The following DACH2 variants were observed in gnomAD, a reference collection of about 807,000 sequenced individuals.
DACH2 encodes dachshund family transcription factor 2, also known as dachshund homolog 2.
Under a neutral mutation model 35.8 loss-of-function variants are expected in DACH2, and 17 were observed. That is an observed-to-expected ratio of 0.48 (90% CI 0.33 to 0.71). DACH2 has a LOEUF of 0.71. Among genes scored for constraint, DACH2 ranks in the 30% least tolerant of loss-of-function variants. DACH2 has a pLI of 0.02. For missense variants in DACH2, 469 were observed against 472.7 expected (o/e 0.99, Z 0.07); for synonymous variants, 195 against 177.3 (o/e 1.10, Z -0.79).
chrX:86,683,636 G>T (rs1370217720), intron 4 of DACH2, among the ~76,000 whole-genome samples: 1 of 111,354 alleles, frequency 9.0e-6, no homozygotes, highest in East Asian at 2.8e-4. Context: ...ATCATCTTTT[G>T]TTAGTAGTAT....
intron 1 of DACH2, among the ~76,000 whole-genome samples, chrX:86,262,455 G>A (rs1469290759): frequency 8.9e-6 from 1 of 111,794 alleles, no homozygotes. Context: ...TTCTTATCTT[G>A]GTTTGTAGAT....
chrX:86,245,813 T>G (rs1344567226), intron 1 of DACH2, among the ~76,000 whole-genome samples: 1 of 111,965 alleles, frequency 8.9e-6, no homozygotes, highest in Non-Finnish European at 1.9e-5. Flanking sequence ...CCAGCCATGA[T>G]TTTTAACCAG....
intron 1 of DACH2, among the ~76,000 whole-genome samples, chrX:86,170,602 G>C (rs1305383981): frequency 1.8e-5 from 2 of 112,124 alleles, no homozygotes; most frequent in African/African-American, 6.5e-5. Context: ...CCAATGCAAA[G>C]GAGGCTCACT....
At chrX:86,756,234 C>T (rs925926518) in intron 7 of DACH2, among the ~76,000 whole-genome samples, 2 of 111,185 alleles carry the variant, frequency 1.8e-5, no homozygotes, top group African/African-American at 6.5e-5. Context: ...CTTTTTGATT[C>T]CATACGAATT....
At chrX:86,635,107 C>A (rs1287565325) in intron 3 of DACH2, among the ~76,000 whole-genome samples, 1 of 111,020 alleles carries the variant, frequency 9.0e-6, no homozygotes, top group East Asian at 2.8e-4. Context: ...ACATCAGATG[C>A]AAACATCCTC....
intron 3 of DACH2, among the ~76,000 whole-genome samples, chrX:86,596,548 T>C (rs1345199887): frequency 9.0e-6 from 1 of 111,659 alleles, no homozygotes; most frequent in South Asian, 3.7e-4. Flanking sequence ...CTTTGTCTAT[T>C]ACTTAATTGG....
chrX:86,479,326 G>C (rs749118273), intron 2 of DACH2, among the ~76,000 whole-genome samples: 3 of 110,659 alleles, frequency 2.7e-5, no homozygotes. Flanking sequence ...AGGAGTGCCT[G>C]TCCTCACCTA....
intron 1 of DACH2, among the ~76,000 whole-genome samples, chrX:86,241,707 C>T (rs957882840): frequency 2.4e-4 from 27 of 112,504 alleles, no homozygotes; most frequent in African/African-American, 8.7e-4. Context: ...CAGCCCCTCC[C>T]ATCACAGGCC....
intron 5 of DACH2, among the ~76,000 whole-genome samples, chrX:86,706,600 A>G (rs1034185484): frequency 9.0e-6 from 1 of 110,888 alleles, no homozygotes; most frequent in African/African-American, 3.3e-5. Flanking sequence ...TGGGCCATAA[A>G]ATACACTTTA....
chrX:86,630,245 C>T (rs1347945210), intron 3 of DACH2, among the ~76,000 whole-genome samples: 1 of 109,604 alleles, frequency 9.1e-6, no homozygotes, highest in South Asian at 3.9e-4. Context: ...GGTTTAAACC[C>T]CAATTTCAAG....
intron 4 of DACH2, among the ~76,000 whole-genome samples, chrX:86,688,372 G>A: frequency 8.9e-6 from 1 of 111,797 alleles, no homozygotes; most frequent in Non-Finnish European, 1.9e-5. Context: ...AGAGTCTCTT[G>A]AGATGATTGT....
intron 2 of DACH2, among the ~76,000 whole-genome samples, chrX:86,432,550 G>T (rs1191969114): frequency 8.9e-6 from 1 of 111,856 alleles, no homozygotes; most frequent in East Asian, 2.8e-4. Context: ...GAACACTGAG[G>T]TGTTTCAAAT....
intron 3 of DACH2, among the ~76,000 whole-genome samples, chrX:86,639,412 G>A (rs1443714025): frequency 9.0e-6 from 1 of 111,524 alleles, no homozygotes; most frequent in Admixed American, 9.5e-5. Flanking sequence ...GCTACATGGA[G>A]CTCTGAGCAG....
At chrX:86,824,656 T>C (rs1335991336) in intron 11 of DACH2, among the ~76,000 whole-genome samples, 1 of 112,118 alleles carries the variant, frequency 8.9e-6, no homozygotes, top group Non-Finnish European at 1.9e-5. Context: ...CTCCAGCCAG[T>C]CCCTCCATTC....
chrX:86,806,198 G>A (rs1020786083), intron 7 of DACH2, among the ~76,000 whole-genome samples: 2 of 111,272 alleles, frequency 1.8e-5, no homozygotes, highest in Non-Finnish European at 3.8e-5. Context: ...CAGGAATCGT[G>A]ATGCTGGCAC....
chrX:86,377,570 G>GT (rs1375686566), intron 2 of DACH2, among the ~76,000 whole-genome samples: 2 of 110,426 alleles, frequency 1.8e-5, no homozygotes, highest in East Asian at 5.7e-4. Flanking sequence ...AAGGGCAAAG[G>GT]AGGGGAACCC....
chrX:86,687,007 T>C (rs779533661), intron 4 of DACH2, among the ~76,000 whole-genome samples: 1 of 112,488 alleles, frequency 8.9e-6, no homozygotes, highest in African/African-American at 3.2e-5. Context: ...ATTAGCCCTA[T>C]TTTTAGAAAT....
At chrX:86,671,516 T>C (rs1457300155) in intron 4 of DACH2, among the ~76,000 whole-genome samples, 7 of 110,745 alleles carry the variant, frequency 6.3e-5, no homozygotes, top group Non-Finnish European at 1.1e-4. Flanking sequence ...AGAGAGCTGG[T>C]TGTTGAAAAG....
intron 6 of DACH2, among the ~76,000 whole-genome samples, chrX:86,735,291 C>T (rs1363697195): frequency 9.0e-6 from 1 of 111,354 alleles, no homozygotes. Context: ...AATAAATGGC[C>T]TCTATGAACA....
Sources: allele counts gnomAD v4.1 joint callset (sites outside exome capture counted in the v4.1 genomes callset), GRCh38; gene constraint gnomAD v4.1.1; transcripts MANE v1.5; gene names NCBI Gene and HGNC (gene_info 2026-07-23, HGNC 2026-07-21).